The following NTM variants were observed in gnomAD, a reference collection of about 807,000 sequenced individuals.
NTM encodes the protein neurotrimin.
A neutral mutation model predicts 42.1 loss-of-function variants in NTM; 13 were observed. The ratio of observed to expected loss-of-function variants is 0.31; its 90% CI spans 0.20 to 0.49. The LOEUF is 0.49. Ranked by LOEUF, NTM falls within the 20% of genes least tolerant of loss-of-function variation. The pLI is 0.99. For missense variants in NTM, 373 were observed against 452.8 expected (o/e 0.82, Z 1.60); for synonymous variants, 187 against 179.2 (o/e 1.04, Z -0.35).
chr11:131,594,422 G>A (rs188647661), intron 1 of NTM, among the ~76,000 whole-genome samples: 9 of 152,020 alleles, frequency 5.9e-5, no homozygotes, highest in African/African-American at 1.9e-4. Context: ...TTAAGACAGG[G>A]TCTTGCTCTG....
At chr11:131,636,760 G>A (rs2064451003) in intron 1 of NTM, among the ~76,000 whole-genome samples, 1 of 152,188 alleles carries the variant, frequency 6.6e-6, no homozygotes, top group South Asian at 2.1e-4. Context: ...GTATGTCTGT[G>A]AGGCCACATT....
intron 2 of NTM, among the ~76,000 whole-genome samples, chr11:132,127,640 T>C (rs1449602259): frequency 6.6e-6 from 1 of 152,224 alleles, no homozygotes; most frequent in African/African-American, 2.4e-5. Context: ...TGGGCATTGA[T>C]TCCCTCCACT....
intron 1 of NTM, among the ~76,000 whole-genome samples, chr11:131,620,760 G>C (rs75014619): frequency 2.0e-5 from 3 of 152,142 alleles, no homozygotes; most frequent in Admixed American, 2.0e-4. Flanking sequence ...TTCATAACAC[G>C]TAGTGCTCTG....
chr11:132,104,580 C>CT (rs936538721), intron 2 of NTM, among the ~76,000 whole-genome samples: 3 of 142,506 alleles, frequency 2.1e-5, no homozygotes, highest in African/African-American at 8.1e-5. Flanking sequence ...AGTGGGACCC[C>CT]CCCCCACCAA....
rs934965253 is a variant in NTM at position 131,732,075 on chromosome 11, C to A, written c.83-179489C>A. On this transcript the variant is annotated intron_variant, in intron 1 of 8. Transcript: ENST00000683400. Reference sequence around the variant, plus strand: ...TTAACTCAAACTCTCTGGACCCCCACGTATTCATCTATAAACTGAAGATAA... The same window carrying A: ...TTAACTCAAACTCTCTGGACCCCCAAGTATTCATCTATAAACTGAAGATAA... Among the ~76,000 whole-genome samples the A allele has an allele frequency of 2.6e-5, 4 of 152,102 alleles. No homozygotes were observed. The South Asian group carries it at 8.3e-4, about 31-fold the overall frequency.
intron 2 of NTM, among the ~76,000 whole-genome samples, chr11:132,029,889 A>G (rs930980483): frequency 3.9e-5 from 6 of 152,186 alleles, no homozygotes; most frequent in Non-Finnish European, 8.8e-5. Context: ...CCTCGTGTTT[A>G]CATAGGGCAG....
At chr11:131,852,083 C>G (rs1014561864) in intron 1 of NTM, among the ~76,000 whole-genome samples, 8 of 152,128 alleles carry the variant, frequency 5.3e-5, no homozygotes, top group African/African-American at 1.4e-4. Flanking sequence ...AAGGCAGAGA[C>G]TGACAGAGCG....
At chr11:131,989,625 T>C (rs117685615) in intron 2 of NTM, among the ~76,000 whole-genome samples, 1 of 152,200 alleles carries the variant, frequency 6.6e-6, no homozygotes, top group East Asian at 1.9e-4. Context: ...ATCAGTCAGA[T>C]TGGCTAAATT....
At chr11:132,114,228 A>G (rs1041184951) in intron 2 of NTM, among the ~76,000 whole-genome samples, 1 of 152,230 alleles carries the variant, frequency 6.6e-6, no homozygotes, top group Non-Finnish European at 1.5e-5. Context: ...AATAAAGAGC[A>G]AGTGTTGTTC....
intron 7 of NTM, among the ~76,000 whole-genome samples, chr11:132,319,707 AC>A (rs2095516475): frequency 6.6e-6 from 1 of 152,238 alleles, no homozygotes; most frequent in Non-Finnish European, 1.5e-5. Flanking sequence ...GAGCACAGAC[AC>A]AAAAGACAGC....
chr11:131,900,584 A>G (rs1284665916), intron 1 of NTM, among the ~76,000 whole-genome samples: 1 of 152,184 alleles, frequency 6.6e-6, no homozygotes, highest in Non-Finnish European at 1.5e-5. Context: ...GTGGAGGTTG[A>G]GAAAGGTGGA....
intron 2 of NTM, among the ~76,000 whole-genome samples, chr11:132,069,440 A>C (rs183367606): frequency 0.13 from 13,220 of 103,714 alleles, 9 homozygotes; most frequent in African/African-American, 0.19. Context: ...AACACGTCAC[A>C]CAGCCAAGTT....
intron 2 of NTM, among the ~76,000 whole-genome samples, chr11:132,043,534 TG>T (rs199997873): frequency 0.05 from 7,690 of 152,298 alleles, 265 homozygotes; most frequent in Non-Finnish European, 0.075. Flanking sequence ...TGGCCCCACA[TG>T]GAGCCACAGA....
chr11:131,895,896 T>C (rs1175536360), intron 1 of NTM, among the ~76,000 whole-genome samples: 1 of 152,240 alleles, frequency 6.6e-6, no homozygotes, highest in Non-Finnish European at 1.5e-5. Flanking sequence ...TCTACACAGT[T>C]TGTGATATGC....
At chr11:132,166,386 C>T (rs7113545) in intron 3 of NTM, among the ~76,000 whole-genome samples, 4,635 of 152,146 alleles carry the variant, frequency 0.03, 238 homozygotes, top group African/African-American at 0.1. Context: ...TATGAATTAA[C>T]CACAACACTG....
intron 2 of NTM, among the ~76,000 whole-genome samples, chr11:131,945,030 TG>T (rs1477211153): frequency 5.3e-5 from 8 of 152,218 alleles, no homozygotes; most frequent in African/African-American, 1.9e-4. Flanking sequence ...CCCATTGGTG[TG>T]TAGTCAGATT....
At chr11:131,888,478 G>C (rs1394621491) in intron 1 of NTM, among the ~76,000 whole-genome samples, 1 of 152,150 alleles carries the variant, frequency 6.6e-6, no homozygotes, top group South Asian at 2.1e-4. Context: ...GGTGAGGGCT[G>C]TTCTCCTTTC....
At chr11:132,294,943 A>T (rs1022591156) in intron 4 of NTM, among the ~76,000 whole-genome samples, 2 of 152,212 alleles carry the variant, frequency 1.3e-5, no homozygotes, top group Non-Finnish European at 2.9e-5. Context: ...GACATTGGCT[A>T]TAAGAGCTTT....
At chr11:132,091,351 T>C (rs1215096770) in intron 2 of NTM, among the ~76,000 whole-genome samples, 1 of 152,002 alleles carries the variant, frequency 6.6e-6, no homozygotes, top group Non-Finnish European at 1.5e-5. Context: ...GAGGTTGCAG[T>C]GAGCCAAGAT....
Sources: gnomAD v4.1 joint callset for allele counts (sites outside exome capture counted in the v4.1 genomes callset) on GRCh38, gnomAD v4.1.1 for gene constraint, MANE v1.5 for transcripts, NCBI Gene and HGNC (gene_info 2026-07-23, HGNC 2026-07-21) for gene names.